The following IL36B variants were observed in gnomAD, a reference collection of about 807,000 sequenced individuals.
The protein encoded by IL36B is interleukin-36 beta.
In IL36B, 23 loss-of-function variants were observed where a neutral mutation model predicts 19.3. The observed-to-expected ratio is 1.19, with a 90% CI of 0.86 to 1.69. The LOEUF (loss-of-function observed/expected upper bound fraction) is 1.69. Ranked by LOEUF, IL36B falls within the 40% of genes most tolerant of loss-of-function variation. IL36B has a pLI of 0.00. For missense variants in IL36B, 217 were observed against 200.5 expected (o/e 1.08, Z -0.50); for synonymous variants, 59 against 59.7 (o/e 0.99, Z 0.05).
intron 1 of IL36B, among the ~76,000 whole-genome samples, chr2:113,043,392 T>C (rs1437215265): frequency 6.6e-6 from 1 of 152,272 alleles, no homozygotes. Context: ...TGTTTAATTA[T>C]GAAGCATTGT....
chr2:113,028,234 G>A, intron 4 of IL36B, 119 bp from the exon 5 acceptor site: 1 of 780,272 alleles, frequency 1.3e-6, no homozygotes, highest in South Asian at 1.7e-5. Flanking sequence ...ACAGAGGCTA[G>A]GGACAAAGGC....
intron 1 of IL36B, among the ~76,000 whole-genome samples, chr2:113,041,428 A>G (rs1685254802): frequency 6.6e-6 from 1 of 152,236 alleles, no homozygotes; most frequent in Non-Finnish European, 1.5e-5. Context: ...TACCTCACAC[A>G]TAATACTGAA....
chr2:113,026,793 C>CA (rs1283487463), intron 4 of IL36B, among the ~76,000 whole-genome samples: 11 of 151,708 alleles, frequency 7.3e-5, no homozygotes, highest in African/African-American at 1.2e-4. Context: ...AAAGTAAAAA[C>CA]AAAAAAACAT....
At chr2:113,028,010 G>A (rs369795145) in intron 4 of IL36B, 10 of 1,613,992 alleles carry the variant, frequency 6.2e-6, no homozygotes, top group Non-Finnish European at 7.6e-6. Flanking sequence ...AACCAGCCAG[G>A]GTAAGAGACT....
chr2:113,044,611 C>A (rs983911722), intron 1 of IL36B, among the ~76,000 whole-genome samples: 5 of 151,870 alleles, frequency 3.3e-5, no homozygotes, highest in African/African-American at 1.2e-4. Flanking sequence ...GTGTCTTTAC[C>A]TTTAAAGTGC....
intron 1 of IL36B, among the ~76,000 whole-genome samples, chr2:113,036,442 C>T (rs12470322): frequency 0.099 from 15,018 of 151,590 alleles, 1,399 homozygotes; most frequent in East Asian, 0.54. Context: ...CAGACACACC[C>T]CATGGCATCT....
At chr2:113,028,851 A>G in intron 4 of IL36B, 88 bp downstream of exon 4, 1 of 1,398,150 alleles carries the variant, frequency 7.2e-7, no homozygotes, top group Non-Finnish European at 9.8e-7. Flanking sequence ...CCAGGGTTGC[A>G]AGCATATTAT....
At chr2:113,027,798 A>T (rs998722206) in intron 4 of IL36B, 125 of 1,511,050 alleles carry the variant, frequency 8.3e-5, no homozygotes, top group Non-Finnish European at 8.0e-6. Context: ...TAAGCTATGG[A>T]TGGGCTGAAC....
intron 1 of IL36B, among the ~76,000 whole-genome samples, chr2:113,037,986 C>A (rs1330543507): frequency 1.3e-5 from 2 of 152,148 alleles, no homozygotes; most frequent in Non-Finnish European, 2.9e-5. Flanking sequence ...ACAATTAGGG[C>A]AGATCTGAAT....
At chr2:113,033,794 G>A (rs955503006) in intron 1 of IL36B, among the ~76,000 whole-genome samples, 4 of 152,200 alleles carry the variant, frequency 2.6e-5, no homozygotes, top group Non-Finnish European at 5.9e-5. Flanking sequence ...CAGGAGAGGA[G>A]AGGAGAGAAC....
intron 3 of IL36B, among the ~76,000 whole-genome samples, chr2:113,030,067 T>C (rs370726062): frequency 1.3e-5 from 2 of 151,986 alleles, no homozygotes; most frequent in East Asian, 3.9e-4. Context: ...CCCATCTCTA[T>C]TAAAAATACA....
intron 1 of IL36B, among the ~76,000 whole-genome samples, chr2:113,044,862 T>A (rs182811280): frequency 6.6e-5 from 10 of 152,338 alleles, no homozygotes; most frequent in Non-Finnish European, 8.8e-5. Flanking sequence ...AACTTACTAG[T>A]GATTACTAAT....
chr2:113,029,350 A>G (rs1685025690), intron 3 of IL36B, among the ~76,000 whole-genome samples: 1 of 152,192 alleles, frequency 6.6e-6, no homozygotes, highest in Admixed American at 6.5e-5. Flanking sequence ...CCATGAGATA[A>G]AAGTGGGGAG....
intron 1 of IL36B, among the ~76,000 whole-genome samples, chr2:113,032,133 C>CTGTGTGTGTGTGTGTG (rs56385654): frequency 1.8e-4 from 26 of 143,920 alleles, no homozygotes; most frequent in Admixed American, 1.5e-3. Flanking sequence ...GTGTGTGTGT[C>CTGTGTGTGTGTGTGTG]TGTGTGTGTG....
intron 1 of IL36B, among the ~76,000 whole-genome samples, chr2:113,035,688 A>G (rs1004249903): frequency 7.2e-5 from 11 of 152,320 alleles, no homozygotes; most frequent in Non-Finnish European, 1.6e-4. Flanking sequence ...GATGGTAAAT[A>G]AATGGGTGAG....
intron 1 of IL36B, among the ~76,000 whole-genome samples, chr2:113,052,208 C>T (rs1031120686): frequency 1.3e-5 from 2 of 152,078 alleles, no homozygotes; most frequent in Non-Finnish European, 2.9e-5. Context: ...CCTCTACCTC[C>T]CAAGGTACTG....
chr2:113,042,142 G>C (rs913569698), intron 1 of IL36B, among the ~76,000 whole-genome samples: 1 of 152,140 alleles, frequency 6.6e-6, no homozygotes, highest in Non-Finnish European at 1.5e-5. Context: ...TGTATCTGAG[G>C]CACCTGTTCA....
chr2:113,049,047 G>A (rs1685397110), intron 1 of IL36B, among the ~76,000 whole-genome samples: 1 of 152,216 alleles, frequency 6.6e-6, no homozygotes, highest in African/African-American at 2.4e-5. Flanking sequence ...TGGCAGTTGT[G>A]TTGGTGGGTG....
chr2:113,048,087 A>G (rs1048855029), intron 1 of IL36B, among the ~76,000 whole-genome samples: 8 of 152,184 alleles, frequency 5.3e-5, no homozygotes, highest in Admixed American at 1.3e-4. Context: ...AAAATGCAAG[A>G]TCTAAATATA....
Sources: gnomAD v4.1 joint callset for allele counts (sites outside exome capture counted in the v4.1 genomes callset) on GRCh38, gnomAD v4.1.1 for gene constraint, MANE v1.5 for transcripts, NCBI Gene and HGNC (gene_info 2026-07-23, HGNC 2026-07-21) for gene names.